Variants in DYNC2H1 observed in about 807,000 individuals in gnomAD.
DYNC2H1 encodes cytoplasmic dynein 2 heavy chain 1.
Under a neutral mutation model 570.0 loss-of-function variants are expected in DYNC2H1, and 410 were observed. The observed-to-expected ratio is 0.72, with a 90% CI of 0.66 to 0.78. The LOEUF (loss-of-function observed/expected upper bound fraction) is 0.78. Ranked by LOEUF, DYNC2H1 falls within the 30% of genes least tolerant of loss-of-function variation. The pLI, the probability that DYNC2H1 is intolerant of heterozygous loss-of-function variation, is 0.00. For synonymous variants in DYNC2H1, 1,688 were observed against 1,677.6 expected (o/e 1.01, Z -0.15); for missense variants, 4,865 against 5,046.4 (o/e 0.96, Z 1.09).
intron 54 of DYNC2H1, among the ~76,000 whole-genome samples, chr11:103,212,360 G>C (rs1049137549): frequency 6.6e-6 from 1 of 151,994 alleles, no homozygotes; most frequent in African/African-American, 2.4e-5. Flanking sequence ...CTGCCCTGGT[G>C]ATGGGTGCAC....
intron 80 of DYNC2H1, among the ~76,000 whole-genome samples, chr11:103,320,073 A>C (rs1938086937): frequency 6.6e-6 from 1 of 152,226 alleles, no homozygotes; most frequent in African/African-American, 2.4e-5. Flanking sequence ...AAAGTTTATT[A>C]GCTAGTTTAA....
chr11:103,197,503 G>A (rs928899714), intron 47 of DYNC2H1, among the ~76,000 whole-genome samples: 9 of 151,958 alleles, frequency 5.9e-5, no homozygotes, highest in Admixed American at 1.3e-4. Context: ...GCTGGAGTGC[G>A]GTGGTGCAAT....
Position 103,303,160 on chromosome 11 carries a change from A to G in DYNC2H1, c.11163A>G (p.Glu3721=). The G allele has an allele frequency of 6.2e-7, 1 of 1,612,088 alleles. No individual in the cohort carries two copies. Among genetic ancestry groups the G allele is most frequent in the Non-Finnish European group, 8.5e-7 (1 of 1,178,776 alleles). Residue 3721 remains glutamate, a synonymous_variant, in exon 76 of 89, where the codon GAA becomes GAG. Coordinates refer to ENST00000375735, the MANE Select transcript of DYNC2H1 (RefSeq NM_001377.3). ...KRLYKETLEI[E]PILIIISPGA... The stretch of plus-strand genomic sequence containing the variant: ...TATACAAAGAGACACTGGAAATTGA[A>G]CCCATCTTGATAATTATTTCTCCGG...
At chr11:103,350,298 A>G (rs1939982256) in intron 82 of DYNC2H1, among the ~76,000 whole-genome samples, 1 of 151,888 alleles carries the variant, frequency 6.6e-6, no homozygotes, top group South Asian at 2.1e-4. Context: ...TACATATTGT[A>G]AATATAAAAA....
At chr11:103,478,979 T>A in intron 88 of DYNC2H1, 116 bp from the exon 89 acceptor site, 1 of 1,206,568 alleles carries the variant, frequency 8.3e-7, no homozygotes, top group Non-Finnish European at 1.1e-6. Flanking sequence ...GGGTTCATCA[T>A]ATTAATTTGA....
At chr11:103,174,291 C>A in intron 36 of DYNC2H1, 121 bp downstream of exon 36, 1 of 649,024 alleles carries the variant, frequency 1.5e-6, no homozygotes, top group Non-Finnish European at 2.4e-6. Flanking sequence ...TATACCCTGC[C>A]CCAATTTCTA....
At chr11:103,266,191 G>T (rs542064394) in intron 70 of DYNC2H1, among the ~76,000 whole-genome samples, 1 of 152,288 alleles carries the variant, frequency 6.6e-6, no homozygotes, top group East Asian at 1.9e-4. Context: ...GTTTGCAAGT[G>T]CCAGCAGCAG....
intron 85 of DYNC2H1, among the ~76,000 whole-genome samples, chr11:103,454,079 A>T (rs986148555): frequency 2.6e-5 from 4 of 152,052 alleles, no homozygotes; most frequent in African/African-American, 9.6e-5. Context: ...ATGCATTAAG[A>T]TGTTAATGCA....
Position 103,121,409 on chromosome 11 carries a change from TC to T in DYNC2H1, c.1400del (p.Pro467LeufsTer20). 1.9e-6 allele frequency: 3 copies of T among 1,612,982 alleles called. No individual in the cohort carries two copies. The highest frequency in any genetic ancestry group is 2.5e-6 in the Non-Finnish European group (3 of 1,179,454). On this transcript the variant is annotated frameshift_variant, in exon 10 of 89. Coordinates refer to ENST00000375735, the MANE Select transcript of DYNC2H1 (RefSeq NM_001377.3). LOFTEE classifies it high-confidence loss of function. ...LDFENRCRGIPGDASGPLSGK... is the reference protein window; with the variant it reads ...LDFENRCRGIXGDASGPLSGK... ...ACTTTGAGAATCGGTGCCGAGGAAT[TC>T]CTGGTGATGCATCTGGACCACTTTC...
At chr11:103,137,810 C>T (rs1246759086) in intron 17 of DYNC2H1, among the ~76,000 whole-genome samples, 1 of 151,808 alleles carries the variant, frequency 6.6e-6, no homozygotes, top group Non-Finnish European at 1.5e-5. Flanking sequence ...CTATAAATTA[C>T]CTTGGGCAGT....
At chr11:103,182,065 CTT>C (rs1591370975) in intron 40 of DYNC2H1, among the ~76,000 whole-genome samples, 179 bp downstream of exon 40, 2 of 151,588 alleles carry the variant, frequency 1.3e-5, no homozygotes, top group African/African-American at 4.8e-5. Flanking sequence ...CTTATCATAA[CTT>C]TTTATTTTGT....
chr11:103,251,891 G>A (rs891828892), intron 65 of DYNC2H1, among the ~76,000 whole-genome samples: 19 of 152,140 alleles, frequency 1.2e-4, no homozygotes, highest in Middle Eastern at 3.4e-3. Context: ...GCATGTGGGT[G>A]TTTGTGTATA....
At position 103,358,237 on chromosome 11, in the gene DYNC2H1, A is replaced by G. The variant is rs1341493031; in HGVS notation, c.12040-6A>G. On this transcript the variant is annotated splice_polypyrimidine_tract_variant and splice_region_variant and intron_variant, in intron 82 of 88. Coordinates refer to ENST00000375735, the MANE Select transcript of DYNC2H1 (RefSeq NM_001377.3). Reference sequence around the variant, plus strand: ...ATTTGTTGATACTTATTATTTTTTTATTCAGGTTATTTCACAGTTGAGGAT... The same window carrying G: ...ATTTGTTGATACTTATTATTTTTTTGTTCAGGTTATTTCACAGTTGAGGAT... The G allele has an allele frequency of 1.3e-6, 2 of 1,501,320 alleles. No individual in the cohort carries two copies. Among genetic ancestry groups the G allele is most frequent in the Non-Finnish European group, 1.8e-6 (2 of 1,107,356 alleles). 93.0% of individuals were successfully genotyped at this position (1,501,320 alleles called of 1,614,324 possible). A position where few individuals can be genotyped will look rare whatever the true frequency, so the allele number is the denominator to read the frequency against.
intron 83 of DYNC2H1, among the ~76,000 whole-genome samples, chr11:103,399,422 C>A (rs1262702904): frequency 6.6e-6 from 1 of 151,218 alleles, no homozygotes; most frequent in Non-Finnish European, 1.5e-5. Flanking sequence ...CCCCAGAGTG[C>A]TGGGATTACA....
Position 103,199,334 on chromosome 11 carries a change from G to A in DYNC2H1, c.7946G>A (p.Gly2649Asp), listed in dbSNP as rs1446238290. Residue 2649 changes from glycine to aspartate, a missense_variant, in exon 49 of 89, where the codon GGT (glycine) becomes GAT (aspartate). Gly to Asp is a moderately conservative substitution (Grantham distance 94, BLOSUM62 -1). This residue lies in a region of DYNC2H1 where 2,401 missense variants were observed against 2,454.6 expected (regional missense o/e 0.98). Transcript: ENST00000375735. The surrounding 1 kb of genome is among the most constrained non-coding windows in gnomAD (Gnocchi z 4.6). ...GATAGAGTGCTGAGTTTCCCTGGAGGTTCACTTCTATTAGCAGGACGCAGT... is the reference window on the plus strand; with the variant it reads ...GATAGAGTGCTGAGTTTCCCTGGAGATTCACTTCTATTAGCAGGACGCAGT... Reference protein sequence around the residue: ...RIDRVLSFPGGSLLLAGRSGV... With the variant: ...RIDRVLSFPGDSLLLAGRSGV... 2.5e-6 allele frequency: 4 copies of A among 1,611,852 alleles called. No homozygotes were observed. The African/African-American group carries it at 4.0e-5, about 16-fold the overall frequency.
chr11:103,212,387 A>G (rs1439379422), intron 54 of DYNC2H1, among the ~76,000 whole-genome samples: 3 of 152,060 alleles, frequency 2.0e-5, no homozygotes, highest in African/African-American at 7.2e-5. Context: ...CTCACAATTC[A>G]CCACTAAAGA....
chr11:103,313,005 T>TCAC (rs34710910), intron 79 of DYNC2H1, among the ~76,000 whole-genome samples: 25,194 of 152,152 alleles, frequency 0.17, 2,260 homozygotes, highest in Admixed American at 0.25. Flanking sequence ...ATTTTAAACC[T>TCAC]CACCTCTCAC....
Position 103,270,471 on chromosome 11 carries a change from T to C in DYNC2H1, c.10696-9877T>C, listed in dbSNP as rs1466466069. ...GTAAGAGATTAACAATAATAACTAA[T>C]AGTAAAATAGAACAATTGTAACAAT... On this transcript the variant is annotated intron_variant, in intron 70 of 88. Coordinates refer to ENST00000375735, the MANE Select transcript of DYNC2H1 (RefSeq NM_001377.3). Among the ~76,000 whole-genome samples the C allele has an allele frequency of 6.6e-5, 10 of 152,144 alleles. No homozygotes were observed. The East Asian group carries it at 1.5e-3, about 24-fold the overall frequency.
At position 103,117,537 on chromosome 11, in the gene DYNC2H1, A is replaced by G. The variant is rs1471967248; in HGVS notation, c.767-94A>G. 4.7e-6 allele frequency: 5 copies of G among 1,057,550 alleles called. No individual in the cohort carries two copies. The African/African-American group carries it at 6.4e-5, about 14-fold the overall frequency. The allele number at this position is 1,057,550 out of a possible 1,614,324, so 65.5% of individuals were successfully genotyped here. A position where few individuals can be genotyped will look rare whatever the true frequency, so the allele number is the denominator to read the frequency against. On this transcript the variant is annotated intron_variant, in intron 5 of 88. Transcript: ENST00000375735. ...ATAGATCCTTAGTTGGCTAATTTGT[A>G]TATTTTAAAAATATTGTCATAAGCA...
Sources: gnomAD v4.1 joint callset for allele counts (sites outside exome capture counted in the v4.1 genomes callset) on GRCh38, gnomAD v4.1.1 for gene constraint, gnomAD v4.1.1 regional missense constraint, Gnocchi (gnomAD v3.1) non-coding constraint, MANE v1.5 for transcripts, NCBI Gene and HGNC (gene_info 2026-07-23, HGNC 2026-07-21) for gene names.